GNL2: variants seen among roughly 807,000 people sequenced by gnomAD.
GNL2 encodes nucleolar GTP-binding protein 2.
In GNL2, 51 loss-of-function variants were observed where a neutral mutation model predicts 92.3. That is an observed-to-expected ratio of 0.55 (90% CI 0.44 to 0.70). The LOEUF (loss-of-function observed/expected upper bound fraction) is 0.70, where lower values mean the gene tolerates loss of function less well. GNL2 is among the 30% of genes least tolerant of loss of function. The pLI, the probability that GNL2 is intolerant of heterozygous loss-of-function variation, is 0.00. For synonymous variants in GNL2, 283 were observed against 300.6 expected, an observed-to-expected ratio of 0.94 and a Z score of 0.61; for missense variants, 844 against 895.6, an observed-to-expected ratio of 0.94 and a Z score of 0.74.
At chr1:37,572,593 A>G (rs1248759012) in intron 12 of GNL2, among the ~76,000 whole-genome samples, 1 of 152,134 alleles carries the variant, frequency 6.6e-6, no homozygotes, top group Non-Finnish European at 1.5e-5. Flanking sequence ...TGAACACATC[A>G]ATGTGTGGAG....
At chr1:37,585,043 A>G (rs988174886) in intron 5 of GNL2, among the ~76,000 whole-genome samples, 1 of 151,026 alleles carries the variant, frequency 6.6e-6, no homozygotes, top group East Asian at 2.0e-4. Flanking sequence ...GATCACATCA[A>G]ATGGTTAGAA....
At position 37,587,495 on chromosome 1, in the gene GNL2, T is replaced by C. The variant is rs1325370728; in HGVS notation, c.385A>G (p.Asn129Asp). ...SLLHDRIRPH[N>D]LKVHILDTES... ...GTATCAAGAATGTGCACCTTCAAGT[T>C]CTGAAGAGAAAGGAGAATAACAGGT... Residue 129 changes from asparagine to aspartate, a missense_variant and splice_region_variant, in exon 5 of 16, where the codon AAC (asparagine) becomes GAC (aspartate). Transcript: ENST00000373062. The C allele has an allele frequency of 1.1e-5, 18 of 1,601,220 alleles. No homozygotes were observed. The highest frequency in any genetic ancestry group is 1.7e-5 in the Admixed American group (1 of 58,628).
intron 4 of GNL2, among the ~76,000 whole-genome samples, chr1:37,588,634 C>T (rs977859997): frequency 2.0e-5 from 3 of 151,888 alleles, no homozygotes. Flanking sequence ...TAAACCTACA[C>T]ATTAGTAAGT....
chr1:37,578,004 C>T (rs1643705096), intron 8 of GNL2, among the ~76,000 whole-genome samples: 1 of 152,166 alleles, frequency 6.6e-6, no homozygotes, highest in African/African-American at 2.4e-5. Flanking sequence ...CTACTATTCC[C>T]ACTGAGTTCC....
chr1:37,575,664 G>C lies in GNL2; in HGVS notation c.1074C>G (p.Phe358Leu). ...AAACCACACCTGGACAGTCAATCAG[G>C]AATATCCGACGCATCAAAGTAATAT... The part of the protein sequence containing the change: ...WQYITLMRRI[F>L]LIDCPGVVYP... Residue 358 changes from phenylalanine (F) to leucine (L), a missense_variant, in exon 10 of 16, where the codon TTC becomes TTG. Physicochemically the swap from Phe to Leu is conservative, Grantham distance 22 (BLOSUM62 0). Transcript: ENST00000373062. The surrounding 1 kb of genome is among the most constrained non-coding windows in gnomAD (Gnocchi z 4.1). 6.2e-7 allele frequency: 1 copy of C among 1,603,052 alleles called. No individual in the cohort carries two copies. The highest frequency in any genetic ancestry group is 8.5e-7 in the Non-Finnish European group (1 of 1,176,342).
At chr1:37,588,961 A>G (rs1018170643) in intron 4 of GNL2, among the ~76,000 whole-genome samples, 1 of 152,244 alleles carries the variant, frequency 6.6e-6, no homozygotes, top group African/African-American at 2.4e-5. Context: ...TCTACATACC[A>G]GATATTTAAA....
At chr1:37,567,432 A>C (rs1309787832) in intron 15 of GNL2, among the ~76,000 whole-genome samples, 1 of 151,496 alleles carries the variant, frequency 6.6e-6, no homozygotes, top group Admixed American at 6.6e-5. Context: ...CTAGAAACTG[A>C]CTCCTCTAGA....
At chr1:37,587,058 C>A (rs932891396) in intron 5 of GNL2, among the ~76,000 whole-genome samples, 2 of 151,968 alleles carry the variant, frequency 1.3e-5, no homozygotes, top group Non-Finnish European at 2.9e-5. Flanking sequence ...CCTGAGCTCA[C>A]GAGTTCAAGA....
chr1:37,582,965 T>C, intron 6 of GNL2, 29 bp from the exon 7 acceptor site: 1 of 1,557,416 alleles, frequency 6.4e-7, no homozygotes, highest in Non-Finnish European at 8.8e-7. Context: ...AAAAATGGTT[T>C]GCTACAGTAC....
At position 37,568,359 on chromosome 1, in the gene GNL2, T is replaced by TC. The variant is rs1432608391; in HGVS notation, c.1869-3_1869-2insG. On this transcript the variant is annotated splice_region_variant and splice_polypyrimidine_tract_variant and intron_variant, in intron 13 of 15. Transcript: ENST00000373062. ...TTTTCACTCAGTCCCTTGGATATTC[T>TC]GAAACAGAAAAGCAAAGTAACATTC... 1.3e-6 allele frequency: 2 copies of TC among 1,599,072 alleles called. No individual in the cohort carries two copies. The highest frequency in any genetic ancestry group is 1.7e-6 in the Non-Finnish European group (2 of 1,166,382).
chr1:37,572,123 G>A (rs939297576), intron 12 of GNL2, among the ~76,000 whole-genome samples: 25 of 151,760 alleles, frequency 1.6e-4, no homozygotes, highest in African/African-American at 4.8e-4. Context: ...GGCCTTCCCC[G>A]ACCACCCCAA....
In GNL2 at chr1:37,568,922, T is replaced by C. The variant is rs1372316902; in HGVS notation, c.1797A>G (p.Ala599=). ...VGNDTKAVIK[A]LDEKIAKYQK... is the part of the protein sequence containing the mutation. ...GATATTTGGCAATCTTCTCATCCAG[T>C]GCTTTAATAACGGCTTTGGTGTCGT... The change falls in exon 13 of 16, where the codon GCA becomes GCG. Residue 599 remains alanine, a synonymous_variant. Transcript: ENST00000373062. The C allele has an allele frequency of 2.5e-6, 4 of 1,614,202 alleles. No homozygotes were observed. Among genetic ancestry groups the C allele is most frequent in the Non-Finnish European group, 3.4e-6 (4 of 1,180,032 alleles).
intron 4 of GNL2, among the ~76,000 whole-genome samples, chr1:37,590,270 G>A (rs1006480531): frequency 6.6e-5 from 10 of 152,114 alleles, no homozygotes. Flanking sequence ...CACCACGCCT[G>A]GCTAATTTTG....
chr1:37,590,577 T>C (rs901493553), intron 4 of GNL2, 129 bp downstream of exon 4: 6 of 741,764 alleles, frequency 8.1e-6, no homozygotes, highest in Admixed American at 2.3e-5. Flanking sequence ...AGAGAGGTCT[T>C]AGAAAGTTCA....
rs779198741 is a variant in GNL2 at position 37,566,864 on chromosome 1, T to A, written c.2187A>T (p.Gln729His). Residue 729 changes from glutamine to histidine, a missense_variant, in exon 16 of 16, where the codon CAA becomes CAT. Gln to His is a conservative substitution (Grantham distance 24). Coordinates refer to ENST00000373062, the MANE Select transcript of GNL2 (RefSeq NM_013285.3). The part of the protein sequence containing the change: ...GQKHKRKKFR[Q>H]KQ ...AAAAACCTTTTAAACATTACTGCTT[T>A]TGTCTGAATTTTTTGCGTTTGTGTT... 6.2e-7 allele frequency: 1 copy of A among 1,613,004 alleles called. No homozygotes were observed. Among genetic ancestry groups the A allele is most frequent in the Non-Finnish European group, 8.5e-7 (1 of 1,179,604 alleles).
chr1:37,595,905 A>C lies in GNL2; in HGVS notation c.-83T>G, dbSNP rs574793770. 4.1e-6 allele frequency: 5 copies of C among 1,204,978 alleles called. No individual in the cohort carries two copies. In the Admixed American group the frequency reaches 7.1e-5, roughly 17 times the overall value. The allele number at this position is 1,204,978 out of a possible 1,614,324, so 74.6% of individuals were successfully genotyped here. A position where few individuals can be genotyped will look rare whatever the true frequency, so the allele number is the denominator to read the frequency against. On this transcript the variant is annotated 5_prime_UTR_variant, in exon 1 of 16. Transcript: ENST00000373062. ...TTTATGTTCCCAAGCCCGGCCGAAG[A>C]CACCCGCCTGAACCACGCCGGACCA... is the stretch of plus-strand genomic sequence containing the variant.
chr1:37,588,329 C>T (rs936595238), intron 4 of GNL2, among the ~76,000 whole-genome samples: 16 of 152,002 alleles, frequency 1.1e-4, no homozygotes, highest in African/African-American at 3.9e-4. Context: ...TCCGTAAGCA[C>T]CACTACCAAA....
At chr1:37,595,320 C>T (rs1382247209) in intron 1 of GNL2, among the ~76,000 whole-genome samples, 4 of 152,188 alleles carry the variant, frequency 2.6e-5, no homozygotes, top group Non-Finnish European at 4.4e-5. Context: ...AAGCACTTTA[C>T]CAGATAGAAT....
At chr1:37,578,914 C>T (rs1643720547) in intron 8 of GNL2, among the ~76,000 whole-genome samples, 1 of 152,102 alleles carries the variant, frequency 6.6e-6, no homozygotes, top group South Asian at 2.1e-4. Flanking sequence ...TTTAAGTTGA[C>T]TCTACTTGCG....
Sources: gnomAD v4.1 joint callset for allele counts (sites outside exome capture counted in the v4.1 genomes callset) on GRCh38, gnomAD v4.1.1 for gene constraint, Gnocchi (gnomAD v3.1) non-coding constraint, MANE v1.5 for transcripts, NCBI Gene and HGNC (gene_info 2026-07-23, HGNC 2026-07-21) for gene names.